Variants in POLR3B observed in about 807,000 individuals in gnomAD.
POLR3B encodes RNA polymerase III subunit B, also known as DNA-directed RNA polymerase III subunit RPC2.
In POLR3B, 96 loss-of-function variants were observed where a neutral mutation model predicts 147.4. That is an observed-to-expected ratio of 0.65 (90% CI 0.55 to 0.77). The LOEUF (loss-of-function observed/expected upper bound fraction) is 0.77. POLR3B is among the 30% of genes least tolerant of loss of function. The pLI, the probability that POLR3B is intolerant of heterozygous loss-of-function variation, is 0.00. For synonymous variants in POLR3B, 461 were observed against 485.9 expected (o/e 0.95, Z 0.67); for missense variants, 1,036 against 1,413.5 (o/e 0.73, Z 4.28).
rs959056171 is a variant in POLR3B at position 106,480,569 on chromosome 12, C to T, written c.2714-15486C>T. Among the ~76,000 whole-genome samples the T allele has an allele frequency of 3.3e-5, 5 of 152,092 alleles. 1 individual carries two copies. The highest frequency in any genetic ancestry group is 7.4e-5 in the Non-Finnish European group (5 of 68,026). On this transcript the variant is annotated intron_variant, in intron 23 of 27. Coordinates refer to ENST00000228347, the MANE Select transcript of POLR3B (RefSeq NM_018082.6). ...CTTTTGACCAGCCCACCCTCTGCTG[C>T]GCTTGCTACCCTTGGGTCTCAGATC...
At chr12:106,362,192 A>G (rs577424991) in intron 1 of POLR3B, among the ~76,000 whole-genome samples, 1 of 152,160 alleles carries the variant, frequency 6.6e-6, no homozygotes, top group Non-Finnish European at 1.5e-5. Context: ...AACTGGGGCA[A>G]GGTTTCCAGT....
chr12:106,407,420 C>G (rs1346231601), intron 11 of POLR3B, among the ~76,000 whole-genome samples: 1 of 152,130 alleles, frequency 6.6e-6, no homozygotes. Context: ...CCACAGCTCC[C>G]CATGTAGTTC....
intron 9 of POLR3B, among the ~76,000 whole-genome samples, chr12:106,388,886 A>T (rs576424797): frequency 2.0e-5 from 3 of 152,172 alleles, no homozygotes; most frequent in Admixed American, 6.5e-5. Flanking sequence ...CGCTTTGTAG[A>T]TATCTAAAAA....
chr12:106,407,201 A>G (rs759185831), intron 11 of POLR3B, among the ~76,000 whole-genome samples: 16 of 152,224 alleles, frequency 1.1e-4, no homozygotes, highest in Non-Finnish European at 1.8e-4. Flanking sequence ...TTAAAATAGC[A>G]AAAATGGATA....
At chr12:106,396,354 G>A (rs2036979251) in intron 10 of POLR3B, among the ~76,000 whole-genome samples, 1 of 152,208 alleles carries the variant, frequency 6.6e-6, no homozygotes, top group Non-Finnish European at 1.5e-5. Flanking sequence ...GGTCACTGCA[G>A]CAAGTGTTTT....
intron 12 of POLR3B, among the ~76,000 whole-genome samples, chr12:106,421,476 A>G (rs1038817240): frequency 1.3e-5 from 2 of 152,150 alleles, no homozygotes; most frequent in African/African-American, 4.8e-5. Context: ...GCAAAATGGC[A>G]TCTCCTTGTG....
chr12:106,386,446 T>TTAA, intron 9 of POLR3B, among the ~76,000 whole-genome samples: 1 of 152,000 alleles, frequency 6.6e-6, no homozygotes, highest in East Asian at 1.9e-4. Flanking sequence ...TTTAGAAAGT[T>TTAA]TTATAGACAC....
intron 9 of POLR3B, among the ~76,000 whole-genome samples, chr12:106,387,705 TAGAATC>T (rs1452973502): frequency 2.6e-5 from 4 of 152,216 alleles, no homozygotes; most frequent in Non-Finnish European, 5.9e-5. Context: ...TTGGATATCT[TAGAATC>T]AGACAGATTT....
At chr12:106,416,536 C>T (rs1000544372) in intron 12 of POLR3B, among the ~76,000 whole-genome samples, 1 of 152,188 alleles carries the variant, frequency 6.6e-6, no homozygotes, top group Non-Finnish European at 1.5e-5. Flanking sequence ...TTAAGTGAAG[C>T]ACAGGTCCTT....
intron 19 of POLR3B, among the ~76,000 whole-genome samples, chr12:106,447,570 C>T (rs1247315608): frequency 6.6e-6 from 1 of 152,174 alleles, no homozygotes; most frequent in Non-Finnish European, 1.5e-5. Context: ...AGGTCACTCG[C>T]TCAGCACTAC....
At chr12:106,361,098 T>C (rs1159816366) in intron 1 of POLR3B, among the ~76,000 whole-genome samples, 3 of 152,120 alleles carry the variant, frequency 2.0e-5, no homozygotes, top group Non-Finnish European at 4.4e-5. Context: ...GGGGAGGCAC[T>C]GAAGAGTTGT....
At chr12:106,455,872 TCATCTCAC>T (rs2037858250) in intron 20 of POLR3B, among the ~76,000 whole-genome samples, 1 of 152,184 alleles carries the variant, frequency 6.6e-6, no homozygotes, top group South Asian at 2.1e-4. Flanking sequence ...ATTCGTTACT[TCATCTCAC>T]AGTCACCTTC....
intron 7 of POLR3B, 27 bp from the exon 8 acceptor site, chr12:106,378,240 G>C: frequency 7.4e-7 from 1 of 1,356,348 alleles, no homozygotes; most frequent in Non-Finnish European, 1.1e-6. Context: ...AATAAATGAT[G>C]AAGTTTTTCT....
intron 27 of POLR3B, chr12:106,507,930 C>T: frequency 2.6e-6 from 1 of 385,016 alleles, no homozygotes; most frequent in East Asian, 7.7e-5. Flanking sequence ...CCAGAGATGA[C>T]CACTATTAAC....
chr12:106,404,221 G>A (rs1275585530), intron 10 of POLR3B, among the ~76,000 whole-genome samples: 2 of 151,764 alleles, frequency 1.3e-5, no homozygotes, highest in African/African-American at 4.8e-5. Context: ...CTCCCAAGTA[G>A]CTGGGACTAC....
At chr12:106,387,301 TGTG>T (rs1266570099) in intron 9 of POLR3B, among the ~76,000 whole-genome samples, 1 of 152,224 alleles carries the variant, frequency 6.6e-6, no homozygotes, top group African/African-American at 2.4e-5. Flanking sequence ...GTTGCATACT[TGTG>T]GTGGAATTTA....
chr12:106,476,782 A>C (rs1203571802), intron 23 of POLR3B, among the ~76,000 whole-genome samples: 1 of 151,982 alleles, frequency 6.6e-6, no homozygotes, highest in African/African-American at 2.4e-5. Flanking sequence ...ATTTTTTTCA[A>C]AGTTTTCAAC....
At chr12:106,484,793 G>C (rs1592768725) in intron 23 of POLR3B, among the ~76,000 whole-genome samples, 1 of 152,038 alleles carries the variant, frequency 6.6e-6, no homozygotes, top group African/African-American at 2.4e-5. Flanking sequence ...CAAAAGTCTG[G>C]GAGGATTTAG....
At chr12:106,441,859 T>C (rs974221255) in intron 18 of POLR3B, among the ~76,000 whole-genome samples, 3 of 152,180 alleles carry the variant, frequency 2.0e-5, no homozygotes, top group Non-Finnish European at 4.4e-5. Flanking sequence ...GGCAGGCAGA[T>C]CACCTGAGGT....
Sources: gnomAD v4.1 joint callset for allele counts (sites outside exome capture counted in the v4.1 genomes callset) on GRCh38, gnomAD v4.1.1 for gene constraint, MANE v1.5 for transcripts, NCBI Gene and HGNC (gene_info 2026-07-23, HGNC 2026-07-21) for gene names.